The following TPX2 variants were observed in gnomAD, a reference collection of about 807,000 sequenced individuals.
TPX2 encodes the protein TPX2 microtubule nucleation factor.
A neutral mutation model predicts 93.6 loss-of-function variants in TPX2; 21 were observed. The observed-to-expected ratio is 0.22, with a 90% confidence interval of 0.16 to 0.32. The LOEUF (loss-of-function observed/expected upper bound fraction) is 0.32. Among genes scored for constraint, TPX2 ranks in the 10% least tolerant of loss-of-function variants. TPX2 has a pLI of 1.00. For missense variants in TPX2, 776 were observed against 871.1 expected (o/e 0.89, Z 1.37); for synonymous variants, 281 against 298.3 (o/e 0.94, Z 0.60).
chr20:31,772,793 GCTTTTCATGATTATAAGTA>G (rs1418201521), intron 7 of TPX2, among the ~76,000 whole-genome samples: 4 of 151,978 alleles, frequency 2.6e-5, no homozygotes, highest in Non-Finnish European at 1.5e-5. Context: ...GTAGTTTCCA[GCTTTTCATGATTATAAGTA>G]CTCAGTCAAC....
At chr20:31,762,241 C>T (rs2061894800) in intron 4 of TPX2, among the ~76,000 whole-genome samples, 1 of 152,174 alleles carries the variant, frequency 6.6e-6, no homozygotes, top group South Asian at 2.1e-4. Context: ...TTAATATAAT[C>T]CCATTTGTCT....
intron 2 of TPX2, among the ~76,000 whole-genome samples, chr20:31,754,271 G>A (rs2061838247): frequency 6.6e-6 from 1 of 151,942 alleles, no homozygotes; most frequent in Non-Finnish European, 1.5e-5. Context: ...AGTAGAGATG[G>A]AGTTTCACCA....
chr20:31,795,273 A>G (rs2062130736), intron 15 of TPX2, among the ~76,000 whole-genome samples: 1 of 152,190 alleles, frequency 6.6e-6, no homozygotes, highest in Non-Finnish European at 1.5e-5. Context: ...AGCTGGGATT[A>G]CAGGCGCGTG....
intron 2 of TPX2, among the ~76,000 whole-genome samples, chr20:31,756,525 C>T (rs1314149075): frequency 6.6e-6 from 1 of 152,122 alleles, no homozygotes; most frequent in Non-Finnish European, 1.5e-5. Flanking sequence ...AAAATAATGA[C>T]ATGGTGAATG....
At chr20:31,797,283 G>T in intron 15 of TPX2, 121 bp from the exon 16 acceptor site, 1 of 844,620 alleles carries the variant, frequency 1.2e-6, no homozygotes, top group Non-Finnish European at 1.9e-6. Context: ...TTTTACTAGG[G>T]TTTATATTAA....
At chr20:31,751,803 C>A (rs557723584) in intron 2 of TPX2, among the ~76,000 whole-genome samples, 1 of 152,164 alleles carries the variant, frequency 6.6e-6, no homozygotes, top group Admixed American at 6.5e-5. Flanking sequence ...AGTGCAATGG[C>A]GCAATCTCAG....
At chr20:31,766,791 GTTACTTT>G in intron 5 of TPX2, 109 bp downstream of exon 5, 1 of 624,264 alleles carries the variant, frequency 1.6e-6, no homozygotes, top group Admixed American at 4.8e-5. Flanking sequence ...ACACCTTTAT[GTTACTTT>G]TTTTTTTTTT....
chr20:31,785,195 T>A (rs1300591174), intron 12 of TPX2, among the ~76,000 whole-genome samples: 1 of 152,362 alleles, frequency 6.6e-6, no homozygotes, highest in East Asian at 1.9e-4. Context: ...ACGATGCTTT[T>A]TTTTCCCTGC....
At chr20:31,777,779 T>TA in intron 9 of TPX2, 141 bp downstream of exon 9, 3 of 822,222 alleles carry the variant, frequency 3.6e-6, no homozygotes, top group Non-Finnish European at 5.1e-6. Context: ...ATATAACAGA[T>TA]CTTTTTTTTT....
intron 11 of TPX2, 127 bp downstream of exon 11, chr20:31,782,517 T>C: frequency 8.4e-7 from 1 of 1,193,180 alleles, no homozygotes. Context: ...TAGTAGGCTC[T>C]GCAGGCTACG....
intron 3 of TPX2, among the ~76,000 whole-genome samples, chr20:31,759,015 C>A (rs1352180416): frequency 6.6e-6 from 1 of 150,708 alleles, no homozygotes; most frequent in Non-Finnish European, 1.5e-5. Flanking sequence ...ATTTTTTTTT[C>A]TTTTTGTTTT....
intron 6 of TPX2, 38 bp from the exon 7 acceptor site, chr20:31,771,522 G>C (rs2061964216): frequency 1.9e-6 from 3 of 1,600,168 alleles, no homozygotes; most frequent in Non-Finnish European, 2.6e-6. Context: ...TATGCTTCAG[G>C]GAATTGAAAA....
intron 2 of TPX2, among the ~76,000 whole-genome samples, chr20:31,743,034 C>T (rs1200513603): frequency 6.6e-6 from 1 of 151,960 alleles, no homozygotes; most frequent in Admixed American, 6.6e-5. Context: ...GCCAACATGG[C>T]AAAACCCCAT....
chr20:31,751,527 A>T (rs904170046), intron 2 of TPX2, among the ~76,000 whole-genome samples: 1 of 152,174 alleles, frequency 6.6e-6, no homozygotes, highest in Non-Finnish European at 1.5e-5. Flanking sequence ...AGGAGAGGAA[A>T]GGTATCAGCA....
At chr20:31,753,380 G>A (rs2061831652) in intron 2 of TPX2, among the ~76,000 whole-genome samples, 1 of 152,126 alleles carries the variant, frequency 6.6e-6, no homozygotes, top group Non-Finnish European at 1.5e-5. Flanking sequence ...TGCTTTACAG[G>A]ATTGTTTTGC....
At chr20:31,794,695 G>A in intron 15 of TPX2, 147 bp downstream of exon 15, 1 of 1,034,270 alleles carries the variant, frequency 9.7e-7, no homozygotes, top group Non-Finnish European at 1.4e-6. Context: ...CATTATTTCT[G>A]TAAAGGGCCA....
chr20:31,757,545 T>C lies in TPX2; in HGVS notation c.69T>C (p.Asp23=). 1 of 1,614,110 alleles carries C rather than the reference T, an allele frequency of 6.2e-7. No individual in the cohort carries two copies. Among genetic ancestry groups the C allele is most frequent in the Middle Eastern group, 1.7e-4 (1 of 6,060 alleles). ...PSDFINFSSL[D]DEGDTQNIDS... is the part of the protein sequence containing the mutation. ...ATTTCATCAATTTTTCATCCTTGGA[T>C]GATGAAGGAGATACTCAAAACATAG... The change falls in exon 3 of 18, where the codon GAT becomes GAC. Residue 23 remains aspartate, a synonymous_variant. Coordinates refer to ENST00000300403, the MANE Select transcript of TPX2 (RefSeq NM_012112.5).
intron 1 of TPX2, among the ~76,000 whole-genome samples, chr20:31,741,322 T>TG (rs1432768212): frequency 3.3e-5 from 5 of 151,948 alleles, no homozygotes; most frequent in African/African-American, 1.2e-4. Flanking sequence ...TTTTTGTTTT[T>TG]TTTTTTTGAG....
chr20:31,799,878 T>A (rs1429458319), intron 17 of TPX2, among the ~76,000 whole-genome samples: 1 of 117,982 alleles, frequency 8.5e-6, no homozygotes, highest in East Asian at 2.3e-4. Context: ...AGCCTGGGGG[T>A]GACAGAGCGA....
Sources: allele counts gnomAD v4.1 joint callset (sites outside exome capture counted in the v4.1 genomes callset), GRCh38; gene constraint gnomAD v4.1.1; transcripts MANE v1.5; gene names NCBI Gene and HGNC (gene_info 2026-07-23, HGNC 2026-07-21).